RHBDD1: variants seen among roughly 807,000 people sequenced by gnomAD.
RHBDD1 encodes rhomboid-related protein 4.
A neutral mutation model predicts 36.3 loss-of-function variants in RHBDD1; 38 were observed. The ratio of observed to expected loss-of-function variants is 1.05; its 90% CI spans 0.81 to 1.37. The LOEUF (loss-of-function observed/expected upper bound fraction) is 1.37. Among genes scored for constraint, RHBDD1 ranks in the 40% most tolerant of loss-of-function variants. The pLI is 0.00. For synonymous variants in RHBDD1, 151 were observed against 136.5 expected (o/e 1.11, Z -0.74); for missense variants, 393 against 377.6 (o/e 1.04, Z -0.34).
At chr2:226,817,732 C>CA in the RHBDD1 span, among the ~76,000 whole-genome samples, 1 of 152,144 alleles carries the variant, frequency 6.6e-6, no homozygotes, top group South Asian at 2.1e-4. Context: ...AGTATATTCT[C>CA]AAAGAGAGAA....
At chr2:226,987,265 C>T (rs931128808) in intron 8 of RHBDD1, among the ~76,000 whole-genome samples, 1 of 151,976 alleles carries the variant, frequency 6.6e-6, no homozygotes, top group African/African-American at 2.4e-5. Context: ...ATGGGTGCAG[C>T]AAACCACCAT....
intron 3 of RHBDD1, among the ~76,000 whole-genome samples, chr2:226,849,915 T>A (rs1239873665): frequency 3.3e-5 from 5 of 152,092 alleles, no homozygotes; most frequent in Non-Finnish European, 7.4e-5. Flanking sequence ...AGATATTTAT[T>A]TATTTTTTAC....
intron 8 of RHBDD1, among the ~76,000 whole-genome samples, chr2:226,945,138 C>A (rs1173578220): frequency 2.6e-5 from 3 of 115,916 alleles, no homozygotes; most frequent in Non-Finnish European, 5.6e-5. Flanking sequence ...GAAACAAGAT[C>A]AAATCTGATT....
chr2:226,877,627 G>T (rs1945354118), intron 5 of RHBDD1, among the ~76,000 whole-genome samples: 1 of 150,794 alleles, frequency 6.6e-6, no homozygotes, highest in Non-Finnish European at 1.5e-5. Context: ...AGTGGGGAGG[G>T]CCCATGAAAA....
At chr2:226,988,144 A>G (rs1421713534) in intron 8 of RHBDD1, among the ~76,000 whole-genome samples, 3 of 152,168 alleles carry the variant, frequency 2.0e-5, no homozygotes, top group African/African-American at 2.4e-5. Flanking sequence ...GTGTATTATC[A>G]TTTAAACACT....
At chr2:226,828,881 G>T in the RHBDD1 span, among the ~76,000 whole-genome samples, 3 of 151,908 alleles carry the variant, frequency 2.0e-5, no homozygotes, top group African/African-American at 7.3e-5. Context: ...TGTCTTTTAA[G>T]TATATTTTTT....
intron 5 of RHBDD1, among the ~76,000 whole-genome samples, chr2:226,886,473 A>G (rs1349478781): frequency 1.3e-5 from 2 of 152,228 alleles, no homozygotes; most frequent in Non-Finnish European, 2.9e-5. Context: ...CGGAGCATGT[A>G]GAAGACCTGA....
At chr2:226,966,219 A>G (rs1317837048) in intron 8 of RHBDD1, among the ~76,000 whole-genome samples, 1 of 152,186 alleles carries the variant, frequency 6.6e-6, no homozygotes, top group Non-Finnish European at 1.5e-5. Flanking sequence ...GGAGCTATGG[A>G]GAGTTCCCCA....
intron 5 of RHBDD1, among the ~76,000 whole-genome samples, chr2:226,889,472 A>C (rs73085824): frequency 0.016 from 2,406 of 152,314 alleles, 58 homozygotes; most frequent in African/African-American, 0.055. Context: ...AAGATCTCAG[A>C]AAATAATAAA....
chr2:226,989,546 G>T (rs1196515489), intron 8 of RHBDD1, among the ~76,000 whole-genome samples: 1 of 152,202 alleles, frequency 6.6e-6, no homozygotes, highest in Non-Finnish European at 1.5e-5. Context: ...TAGGGGAGCA[G>T]TAAACAGAGT....
intron 6 of RHBDD1, chr2:226,908,591 AC>A (rs1948246740): frequency 3.2e-5 from 15 of 473,668 alleles, no homozygotes; most frequent in Non-Finnish European, 5.5e-5. Context: ...CTACACACAC[AC>A]ACACACACAC....
chr2:226,867,332 T>G lies in RHBDD1; in HGVS notation c.566+14T>G, dbSNP rs1377951712. 6.2e-7 allele frequency: 1 copy of G among 1,605,710 alleles called. No individual in the cohort carries two copies. Among genetic ancestry groups the G allele is most frequent in the South Asian group, 1.1e-5 (1 of 88,292 alleles). On this transcript the variant is annotated intron_variant, in intron 5 of 8. Transcript: ENST00000392062. ...ATTCTCACCAGGGTAAGTGTTTTCT[T>G]TTGGGGAATACAGTTGAAGGACCTG...
chr2:226,995,057 TG>T (rs917085964), intron 8 of RHBDD1, among the ~76,000 whole-genome samples: 4 of 151,424 alleles, frequency 2.6e-5, no homozygotes, highest in African/African-American at 9.7e-5. Flanking sequence ...GCCTAGTTGG[TG>T]GGGAAGTTAG....
intron 5 of RHBDD1, among the ~76,000 whole-genome samples, chr2:226,875,177 A>G (rs141932564): frequency 2.0e-5 from 3 of 152,316 alleles, no homozygotes; most frequent in East Asian, 3.9e-4. Flanking sequence ...AAAGTAGGCA[A>G]TTAGTAAATA....
At chr2:226,993,116 G>A (rs1447935620) in intron 8 of RHBDD1, among the ~76,000 whole-genome samples, 1 of 152,232 alleles carries the variant, frequency 6.6e-6, no homozygotes, top group Non-Finnish European at 1.5e-5. Context: ...CTCCTTTTGA[G>A]AGCTGGACCT....
At chr2:226,860,313 C>T (rs569525936) in intron 3 of RHBDD1, among the ~76,000 whole-genome samples, 70 of 152,112 alleles carry the variant, frequency 4.6e-4, no homozygotes, top group Non-Finnish European at 2.9e-5. Flanking sequence ...GGTCTGGATA[C>T]AAGTTAGAAT....
the RHBDD1 span, among the ~76,000 whole-genome samples, chr2:226,816,337 A>T: frequency 4.4e-4 from 66 of 148,716 alleles, no homozygotes; most frequent in African/African-American, 1.5e-3. Context: ...TGAACTGCAA[A>T]CCTGGTTGCA....
chr2:226,929,920 A>G (rs936425423), intron 8 of RHBDD1, among the ~76,000 whole-genome samples: 3 of 151,950 alleles, frequency 2.0e-5, no homozygotes, highest in African/African-American at 7.2e-5. Flanking sequence ...AAAACAAAAA[A>G]CAAAACAAAA....
intron 8 of RHBDD1, among the ~76,000 whole-genome samples, chr2:226,990,970 G>A (rs1018300216): frequency 6.6e-6 from 1 of 152,122 alleles, no homozygotes; most frequent in Non-Finnish European, 1.5e-5. Flanking sequence ...AGAAGATCTT[G>A]GCTGGACACT....
Sources: gnomAD v4.1 joint callset for allele counts (sites outside exome capture counted in the v4.1 genomes callset) on GRCh38, gnomAD v4.1.1 for gene constraint, MANE v1.5 for transcripts, NCBI Gene and HGNC (gene_info 2026-07-23, HGNC 2026-07-21) for gene names.